The following RBFOX2 variants were observed in gnomAD, a reference collection of about 807,000 sequenced individuals.
RBFOX2 encodes RNA binding protein fox-1 homolog 2.
A neutral mutation model predicts 49.1 loss-of-function variants in RBFOX2; 10 were observed. The ratio of observed to expected loss-of-function variants is 0.20; its 90% CI spans 0.13 to 0.35. The LOEUF is 0.35. Among genes scored for constraint, RBFOX2 ranks in the 10% least tolerant of loss-of-function variants. RBFOX2 has a pLI of 1.00. For synonymous variants in RBFOX2, 183 were observed against 187.4 expected (o/e 0.98, Z 0.19); for missense variants, 323 against 486.9 (o/e 0.66, Z 3.17).
rs564412567 is a variant in RBFOX2, at chr22:35,984,909, A to C, written c.186+43331T>G. Among the ~76,000 whole-genome samples the C allele has an allele frequency of 5.9e-5, 9 of 152,344 alleles. No individual in the cohort carries two copies. In the East Asian group the frequency reaches 1.2e-3, roughly 20 times the overall value. On this transcript the variant is annotated intron_variant, in intron 1 of 13. Coordinates refer to the RBFOX2 transcript ENST00000438146. ...TTCAACAAATACCGAGAATTCACTA[A>C]GTGACAGGCAATGGAGATACAACAT...
intron 1 of RBFOX2, among the ~76,000 whole-genome samples, chr22:35,857,027 G>A (rs897256724): frequency 3.3e-5 from 5 of 152,154 alleles, no homozygotes; most frequent in African/African-American, 7.2e-5. Flanking sequence ...GCGAGACTCC[G>A]TCTCCAAAAG....
intron 1 of RBFOX2, chr22:35,822,805 T>C (rs1452175435): frequency 2.3e-6 from 1 of 433,108 alleles, no homozygotes; most frequent in Non-Finnish European, 4.5e-6. Flanking sequence ...CTGTTTTATG[T>C]TTTGTTTTTC....
intron 1 of RBFOX2, among the ~76,000 whole-genome samples, chr22:35,868,459 T>C (rs1358429239): frequency 6.6e-6 from 1 of 152,028 alleles, no homozygotes; most frequent in Non-Finnish European, 1.5e-5. Context: ...CTTTTTAAAA[T>C]AAGATAATAG....
At chr22:35,802,765 T>C (rs1057343773) in intron 2 of RBFOX2, among the ~76,000 whole-genome samples, 1 of 152,084 alleles carries the variant, frequency 6.6e-6, no homozygotes, top group Non-Finnish European at 1.5e-5. Context: ...GGGGAGATCC[T>C]GGAAAGAAAA....
intron 1 of RBFOX2, among the ~76,000 whole-genome samples, chr22:35,829,202 T>G (rs962720481): frequency 1.4e-4 from 21 of 152,056 alleles, no homozygotes; most frequent in Admixed American, 1.2e-3. Flanking sequence ...AAATTCACAA[T>G]GTATGGCATC....
chr22:35,887,394 T>C (rs2149341518), intron 1 of RBFOX2, among the ~76,000 whole-genome samples: 1 of 152,270 alleles, frequency 6.6e-6, no homozygotes, highest in African/African-American at 2.4e-5. Flanking sequence ...CTGGAGGTCA[T>C]GGGCTATTCT....
intron 1 of RBFOX2, among the ~76,000 whole-genome samples, chr22:35,872,071 A>G (rs542333624): frequency 2.1e-4 from 32 of 152,352 alleles, no homozygotes; most frequent in South Asian, 4.1e-4. Context: ...CTGACAAGTA[A>G]GTGCCCAGCA....
intron 1 of RBFOX2, among the ~76,000 whole-genome samples, chr22:35,815,110 C>T (rs1172037652): frequency 6.6e-6 from 1 of 152,182 alleles, no homozygotes; most frequent in Admixed American, 6.5e-5. Context: ...AGGTGACTTT[C>T]AGTGTTTTTT....
intron 1 of RBFOX2, among the ~76,000 whole-genome samples, chr22:35,899,968 T>C (rs1200805485): frequency 6.6e-6 from 1 of 152,206 alleles, no homozygotes; most frequent in Non-Finnish European, 1.5e-5. Context: ...GACAGCAATA[T>C]GGGTATTGCC....
At chr22:35,812,416 T>C (rs1334029798) in intron 1 of RBFOX2, among the ~76,000 whole-genome samples, 1 of 152,212 alleles carries the variant, frequency 6.6e-6, no homozygotes, top group East Asian at 1.9e-4. Flanking sequence ...TTTTATGATG[T>C]CTTTATAGCT....
At chr22:35,918,689 G>A (rs972958479) in intron 1 of RBFOX2, among the ~76,000 whole-genome samples, 9 of 152,152 alleles carry the variant, frequency 5.9e-5, no homozygotes, top group African/African-American at 2.2e-4. Flanking sequence ...TCCCCATGAG[G>A]TATTGTAGGG....
At chr22:35,742,722 A>G (rs537820198) in exon 12 of RBFOX2, 45 of 152,642 alleles carry the variant, frequency 2.9e-4, no homozygotes, top group African/African-American at 1.1e-3. Context: ...CCTTGATAAC[A>G]TAGAAAATTA....
At chr22:35,772,391 A>C (rs2065017277) in intron 4 of RBFOX2, among the ~76,000 whole-genome samples, 1 of 152,174 alleles carries the variant, frequency 6.6e-6, no homozygotes, top group Non-Finnish European at 1.5e-5. Context: ...CAATATAAAC[A>C]CATATTATTA....
chr22:35,915,561 G>A (rs1250915077), intron 1 of RBFOX2, among the ~76,000 whole-genome samples: 1 of 152,190 alleles, frequency 6.6e-6, no homozygotes, highest in East Asian at 1.9e-4. Flanking sequence ...GTAAGGAGCT[G>A]CTGAAAAGTG....
intron 2 of RBFOX2, among the ~76,000 whole-genome samples, chr22:35,788,021 C>T (rs1395085776): frequency 2.0e-5 from 3 of 152,152 alleles, no homozygotes; most frequent in African/African-American, 7.2e-5. Context: ...CACAGGAGGT[C>T]GGCACCAATT....
At chr22:35,768,388 G>A (rs372299240) in intron 4 of RBFOX2, 39 bp from the exon 6 acceptor site, 43 of 1,522,094 alleles carry the variant, frequency 2.8e-5, no homozygotes, top group Admixed American at 1.7e-4. Flanking sequence ...CATGCACATC[G>A]TTATATTGAA....
At chr22:35,879,501 G>A (rs2045591957) in intron 1 of RBFOX2, among the ~76,000 whole-genome samples, 1 of 152,148 alleles carries the variant, frequency 6.6e-6, no homozygotes, top group South Asian at 2.1e-4. Flanking sequence ...ATCTTTAAGA[G>A]GCTCTGGAAC....
intron 1 of RBFOX2, among the ~76,000 whole-genome samples, chr22:35,834,666 G>A (rs1298920515): frequency 2.6e-5 from 4 of 152,076 alleles, no homozygotes; most frequent in African/African-American, 9.7e-5. Context: ...AGACATTTTG[G>A]GCAGGGAGAA....
At chr22:35,824,142 G>A (rs1955141298) in intron 1 of RBFOX2, among the ~76,000 whole-genome samples, 1 of 151,496 alleles carries the variant, frequency 6.6e-6, no homozygotes, top group Admixed American at 6.6e-5. Context: ...GGATGAGACG[G>A]ACGAGACTCC....
Sources: gnomAD v4.1 joint callset for allele counts (sites outside exome capture counted in the v4.1 genomes callset) on GRCh38, gnomAD v4.1.1 for gene constraint, MANE v1.5 for transcripts, NCBI Gene and HGNC (gene_info 2026-07-23, HGNC 2026-07-21) for gene names.